POGZ: variants seen among roughly 807,000 people sequenced by gnomAD.
POGZ encodes the protein pogo transposable element with ZNF domain.
Under a neutral mutation model 134.6 loss-of-function variants are expected in POGZ, and 17 were observed. The observed-to-expected ratio is 0.13, with a 90% CI of 0.09 to 0.19. The LOEUF (loss-of-function observed/expected upper bound fraction) is 0.19, where lower values mean the gene tolerates loss of function less well. Among genes scored for constraint, POGZ ranks in the 10% least tolerant of loss-of-function variants. The pLI is 1.00. For synonymous variants in POGZ, 693 were observed against 657.1 expected (o/e 1.05, Z -0.84); for missense variants, 1,306 against 1,769.7 (o/e 0.74, Z 4.70).
In POGZ at chr1:151,441,900, T is replaced by C. The variant is rs976723833; in HGVS notation, c.124+181A>G. The stretch of plus-strand genomic sequence containing the variant: ...GAATTAAATATATAGTTTCTAGCTA[T>C]ATGGATGAGGAAACTGAGGTTTTCA... On this transcript the variant is annotated intron_variant, in intron 2 of 18. Transcript: ENST00000271715. Among the ~76,000 whole-genome samples, 5 of 152,194 alleles carry C rather than the reference T, an allele frequency of 3.3e-5. 1 individual carries two copies. Among genetic ancestry groups the C allele is most frequent in the African/African-American group, 1.2e-4 (5 of 41,444 alleles).
At chr1:151,433,963 GAGCCTAGGAGTTCGAGTCC>G (rs1488721027) in intron 3 of POGZ, among the ~76,000 whole-genome samples, 1 of 152,144 alleles carries the variant, frequency 6.6e-6, no homozygotes, top group Non-Finnish European at 1.5e-5. Context: ...TGGATCACTT[GAGCCTAGGAGTTCGAGTCC>G]AGCCTGGACA....
rs1374814543 is a variant in POGZ, at chr1:151,403,550, A to C, written c.*1252T>G. ...TACGTTTTGGTTTACAACCATGAGT[A>C]CATACAATTAAAAAAATCCCTCATG... On this transcript the variant is annotated 3_prime_UTR_variant, in exon 19 of 19. Coordinates refer to ENST00000271715, the MANE Select transcript of POGZ (RefSeq NM_015100.4). The C allele has an allele frequency of 1.0e-6, 1 of 985,212 alleles. No individual in the cohort carries two copies. Among genetic ancestry groups the C allele is most frequent in the Non-Finnish European group, 1.2e-6 (1 of 829,450 alleles). 61.0% of individuals were successfully genotyped at this position (985,212 alleles called of 1,614,324 possible). A position where few individuals can be genotyped will look rare whatever the true frequency, so the allele number is the denominator to read the frequency against.
At chr1:151,407,983 G>T in intron 15 of POGZ, 117 bp downstream of exon 15, 1 of 779,874 alleles carries the variant, frequency 1.3e-6, no homozygotes, top group Non-Finnish European at 2.0e-6. Context: ...TTGCACTCCA[G>T]CCTAGGGGAC....
intron 1 of POGZ, among the ~76,000 whole-genome samples, chr1:151,445,105 G>A (rs1044880294): frequency 6.6e-6 from 1 of 152,116 alleles, no homozygotes; most frequent in African/African-American, 2.4e-5. Flanking sequence ...GATCTGAAAA[G>A]ATGGCAAAGA....
intron 10 of POGZ, among the ~76,000 whole-genome samples, chr1:151,417,725 C>T (rs1375343354): frequency 7.4e-6 from 1 of 135,384 alleles, no homozygotes; most frequent in Admixed American, 7.5e-5. Flanking sequence ...CACACACACA[C>T]ACACAAAAGG....
intron 3 of POGZ, among the ~76,000 whole-genome samples, chr1:151,432,361 C>G (rs1244751235): frequency 6.6e-6 from 1 of 152,158 alleles, no homozygotes; most frequent in East Asian, 1.9e-4. Context: ...TAGGTGGCTA[C>G]TAATGGGCCA....
chr1:151,433,550 T>C (rs981013396), intron 3 of POGZ, among the ~76,000 whole-genome samples: 7 of 143,722 alleles, frequency 4.9e-5, no homozygotes, highest in East Asian at 2.1e-4. Flanking sequence ...AGAGGTTGCA[T>C]TGAGCCGAGA....
At chr1:151,431,538 A>G (rs553132008) in intron 3 of POGZ, among the ~76,000 whole-genome samples, 1 of 152,274 alleles carries the variant, frequency 6.6e-6, no homozygotes, top group East Asian at 1.9e-4. Context: ...AGATTCTTTA[A>G]GCAACCACTG....
chr1:151,417,956 A>G (rs1656076094), intron 10 of POGZ, among the ~76,000 whole-genome samples: 1 of 152,166 alleles, frequency 6.6e-6, no homozygotes, highest in Admixed American at 6.6e-5. Flanking sequence ...CCAACAGATG[A>G]ATGAATAAAG....
chr1:151,446,601 C>A (rs1426886264), intron 1 of POGZ, among the ~76,000 whole-genome samples: 1 of 151,642 alleles, frequency 6.6e-6, no homozygotes, highest in Non-Finnish European at 1.5e-5. Context: ...ACTAAAAATA[C>A]AAAAATTAGC....
intron 1 of POGZ, among the ~76,000 whole-genome samples, chr1:151,452,097 CAAAAAAAAAAA>C (rs574531921): frequency 8.5e-5 from 5 of 59,030 alleles, no homozygotes; most frequent in East Asian, 3.2e-4. Context: ...GACTCCGTCT[CAAAAAAAAAAA>C]AAAAAAAAAA....
intron 1 of POGZ, among the ~76,000 whole-genome samples, chr1:151,446,036 C>T (rs186422883): frequency 1.7e-4 from 25 of 143,460 alleles, no homozygotes; most frequent in African/African-American, 6.0e-4. Flanking sequence ...CATGGCATAC[C>T]GTCTTTCAAC....
At chr1:151,406,487 G>T (rs776444694) in intron 18 of POGZ, 23 bp from the exon 19 acceptor site, 1 of 1,555,664 alleles carries the variant, frequency 6.4e-7, no homozygotes, top group Non-Finnish European at 8.6e-7. Context: ...GGAGCAAAGA[G>T]AAGAGGAGAA....
chr1:151,429,749 CAATT>C, intron 4 of POGZ, 38 bp from the exon 5 acceptor site: 1 of 1,169,070 alleles, frequency 8.6e-7, no homozygotes, highest in Non-Finnish European at 1.3e-6. Flanking sequence ...ACATGGAGAC[CAATT>C]AACACTGACA....
At position 151,430,740 on chromosome 1, in the gene POGZ, C is replaced by A; in HGVS notation, c.385G>T (p.Val129Phe). The change falls in exon 4 of 19, where the codon GTT (valine) becomes TTT (phenylalanine). Residue 129 changes from valine to phenylalanine, a missense_variant. Physicochemically the swap from Val to Phe is conservative, Grantham distance 50 (BLOSUM62 -1). Transcript: ENST00000271715. ...TMVTQPVLRP[V>F]QVMQNANHVT... ...TGATTGGCATTCTGCATGACCTGAA[C>A]AGGCCTCAATACTGGTTGAGTAACC... 6.2e-7 allele frequency: 1 copy of A among 1,609,070 alleles called. No homozygotes were observed.
At chr1:151,458,059 A>G (rs1662982848) in intron 1 of POGZ, among the ~76,000 whole-genome samples, 1 of 152,110 alleles carries the variant, frequency 6.6e-6, no homozygotes, top group African/African-American at 2.4e-5. Context: ...GTCCAACTGC[A>G]TCTTAGTTTC....
At chr1:151,447,029 C>T (rs1417257753) in intron 1 of POGZ, among the ~76,000 whole-genome samples, 1 of 152,080 alleles carries the variant, frequency 6.6e-6, no homozygotes, top group Non-Finnish European at 1.5e-5. Flanking sequence ...TCTAAAACAT[C>T]ATATTCATAA....
chr1:151,416,078 C>G (rs1457792287), intron 10 of POGZ, among the ~76,000 whole-genome samples: 1 of 150,144 alleles, frequency 6.7e-6, no homozygotes, highest in Non-Finnish European at 1.5e-5. Flanking sequence ...TGTGGTGGTG[C>G]ACGCCTGTAA....
At chr1:151,452,906 T>C (rs1169763704) in intron 1 of POGZ, among the ~76,000 whole-genome samples, 2 of 151,680 alleles carry the variant, frequency 1.3e-5, no homozygotes, top group South Asian at 2.1e-4. Flanking sequence ...ATAGTTTAAG[T>C]GTTCCTTGTA....
Sources: allele counts gnomAD v4.1 joint callset (sites outside exome capture counted in the v4.1 genomes callset), GRCh38; gene constraint gnomAD v4.1.1; transcripts MANE v1.5; gene names NCBI Gene and HGNC (gene_info 2026-07-23, HGNC 2026-07-21).